Variants in PAK5 observed in about 807,000 individuals in gnomAD.
PAK5 encodes p21 (RAC1) activated kinase 5, also known as serine/threonine-protein kinase PAK 5.
PAK5 carries 16 observed loss-of-function variants against 65.9 expected under a neutral mutation model. The ratio of observed to expected loss-of-function variants is 0.24; its 90% CI spans 0.16 to 0.37. The LOEUF (loss-of-function observed/expected upper bound fraction) is 0.37, where lower values mean the gene tolerates loss of function less well. Among genes scored for constraint, PAK5 ranks in the 10% least tolerant of loss-of-function variants. The pLI is 1.00. For missense variants in PAK5, 785 were observed against 903.9 expected (o/e 0.87, Z 1.69); for synonymous variants, 371 against 354.9 (o/e 1.05, Z -0.51).
intron 1 of PAK5, among the ~76,000 whole-genome samples, chr20:9,809,249 ACTGT>A (rs1224718917): frequency 6.6e-6 from 1 of 151,824 alleles, no homozygotes; most frequent in East Asian, 1.9e-4. Flanking sequence ...CTCAAATCAG[ACTGT>A]CTGGAAAGGT....
chr20:9,620,897 A>AAT (rs1240483259), intron 3 of PAK5, among the ~76,000 whole-genome samples: 57 of 151,776 alleles, frequency 3.8e-4, no homozygotes, highest in East Asian at 3.7e-3. Context: ...AGCCAGAAAA[A>AAT]ATATATATAT....
At chr20:9,666,966 G>T (rs1241893302) in intron 2 of PAK5, among the ~76,000 whole-genome samples, 1 of 152,082 alleles carries the variant, frequency 6.6e-6, no homozygotes, top group Non-Finnish European at 1.5e-5. Flanking sequence ...TGCAAATTTT[G>T]TGTCCCTTCT....
intron 1 of PAK5, among the ~76,000 whole-genome samples, chr20:9,731,036 T>G (rs1225423304): frequency 6.6e-6 from 1 of 152,210 alleles, no homozygotes; most frequent in African/African-American, 2.4e-5. Flanking sequence ...CAAGGCTTGA[T>G]GTATGTAGGG....
intron 2 of PAK5, among the ~76,000 whole-genome samples, chr20:9,707,322 C>T (rs2048021167): frequency 6.6e-6 from 1 of 152,052 alleles, no homozygotes; most frequent in Admixed American, 6.6e-5. Flanking sequence ...TTTGCCCAGG[C>T]TGGTCTCAAA....
At chr20:9,630,822 A>G (rs1011473165) in intron 3 of PAK5, among the ~76,000 whole-genome samples, 6 of 152,196 alleles carry the variant, frequency 3.9e-5, no homozygotes, top group Admixed American at 1.3e-4. Flanking sequence ...GTCACGGACC[A>G]GTAATTCCCT....
At chr20:9,597,865 T>C (rs1253240933) in intron 3 of PAK5, among the ~76,000 whole-genome samples, 1 of 152,232 alleles carries the variant, frequency 6.6e-6, no homozygotes, top group Non-Finnish European at 1.5e-5. Context: ...CAGAAGCTGA[T>C]GCGAGTGAGC....
chr20:9,828,006 T>C lies in PAK5; in HGVS notation c.-162+10756A>G, dbSNP rs368817328. On this transcript the variant is annotated intron_variant, in intron 1 of 9. Coordinates refer to ENST00000353224, the MANE Select transcript of PAK5 (RefSeq NM_177990.4). ...GCCACCATGCCCAGCTAATGTTTTTTTGTATTTTTAGTAGAGACAGGGTTT... is the reference window on the plus strand; with the variant it reads ...GCCACCATGCCCAGCTAATGTTTTTCTGTATTTTTAGTAGAGACAGGGTTT... Among the ~76,000 whole-genome samples the C allele has an allele frequency of 1.1e-4, 16 of 152,242 alleles. 1 individual carries two copies. The highest frequency in any genetic ancestry group is 3.9e-4 in the East Asian group (2 of 5,170).
chr20:9,653,399 G>A (rs1184241405), intron 2 of PAK5, among the ~76,000 whole-genome samples: 2 of 152,184 alleles, frequency 1.3e-5, no homozygotes, highest in African/African-American at 4.8e-5. Flanking sequence ...TAATCTCTGT[G>A]TCTATGCTTC....
Position 9,727,903 on chromosome 20 carries a change from T to C in PAK5, c.-161-16468A>G, listed in dbSNP as rs767347438. 4.8e-4 allele frequency among the ~76,000 whole-genome samples: 73 copies of C among 152,264 alleles called. 1 individual carries two copies. Among genetic ancestry groups the C allele is most frequent in the Non-Finnish European group, 9.3e-4 (63 of 68,034 alleles). ...CAAAAATTCTGAGCAGTTCTCATAG[T>C]TTCCCTGCCCCAGCCATGGACTCAA... On this transcript the variant is annotated intron_variant, in intron 1 of 9. Coordinates refer to ENST00000353224, the MANE Select transcript of PAK5 (RefSeq NM_177990.4).
chr20:9,667,529 C>T (rs187771863), intron 2 of PAK5, among the ~76,000 whole-genome samples: 4 of 152,146 alleles, frequency 2.6e-5, no homozygotes, highest in African/African-American at 9.7e-5. Flanking sequence ...TCTGTTCCCA[C>T]CAAGGTCTAC....
chr20:9,594,054 G>A (rs1025922327), intron 3 of PAK5, among the ~76,000 whole-genome samples: 8 of 152,184 alleles, frequency 5.3e-5, no homozygotes, highest in Admixed American at 6.5e-5. Context: ...GGAGGCCAGG[G>A]TCTCTTCCCA....
intron 1 of PAK5, among the ~76,000 whole-genome samples, chr20:9,732,948 C>T (rs529969027): frequency 6.6e-6 from 1 of 152,312 alleles, no homozygotes; most frequent in Admixed American, 6.5e-5. Context: ...GAAAAGACAT[C>T]AACTTCTCTC....
At chr20:9,690,686 G>A (rs2123430927) in intron 2 of PAK5, among the ~76,000 whole-genome samples, 1 of 151,354 alleles carries the variant, frequency 6.6e-6, no homozygotes, top group Non-Finnish European at 1.5e-5. Flanking sequence ...TCCATCACTG[G>A]TTTGAGAGGT....
intron 1 of PAK5, among the ~76,000 whole-genome samples, chr20:9,725,334 A>T (rs1195836916): frequency 1.7e-5 from 2 of 115,118 alleles, no homozygotes; most frequent in African/African-American, 6.3e-5. Context: ...GGTTATTATT[A>T]AAACAAGAGA....
chr20:9,764,506 T>C (rs924007055), intron 1 of PAK5, among the ~76,000 whole-genome samples: 1 of 152,200 alleles, frequency 6.6e-6, no homozygotes, highest in African/African-American at 2.4e-5. Flanking sequence ...CCTATGCAAA[T>C]ATTCTCTTGC....
chr20:9,654,862 C>A (rs2047246534), intron 2 of PAK5, among the ~76,000 whole-genome samples: 1 of 152,172 alleles, frequency 6.6e-6, no homozygotes, highest in East Asian at 1.9e-4. Flanking sequence ...CACCCAAAGT[C>A]TCTTTTCTGG....
At chr20:9,751,677 C>T (rs1000113297) in intron 1 of PAK5, among the ~76,000 whole-genome samples, 1 of 152,134 alleles carries the variant, frequency 6.6e-6, no homozygotes, top group Non-Finnish European at 1.5e-5. Flanking sequence ...TCACTATATA[C>T]ACAGCATCAA....
chr20:9,575,677 A>G (rs1231410183), intron 4 of PAK5: 1 of 152,214 alleles, frequency 6.6e-6, no homozygotes, highest in Non-Finnish European at 1.5e-5. Flanking sequence ...GAACAGGAAG[A>G]ATAAACAGCA....
chr20:9,822,767 A>C (rs527314376), intron 1 of PAK5, among the ~76,000 whole-genome samples: 9 of 152,210 alleles, frequency 5.9e-5, no homozygotes, highest in Non-Finnish European at 1.3e-4. Context: ...TGTGTTTCTA[A>C]GGGCTTTTCC....
Sources: allele counts gnomAD v4.1 joint callset (sites outside exome capture counted in the v4.1 genomes callset), GRCh38; gene constraint gnomAD v4.1.1; transcripts MANE v1.5; gene names NCBI Gene and HGNC (gene_info 2026-07-23, HGNC 2026-07-21).